The following NBEAL1 variants were observed in gnomAD, a reference collection of about 807,000 sequenced individuals.
NBEAL1 encodes the protein neurobeachin-like protein 1.
Under a neutral mutation model 351.3 loss-of-function variants are expected in NBEAL1, and 273 were observed. The ratio of observed to expected loss-of-function variants is 0.78; its 90% CI spans 0.70 to 0.86. The LOEUF (loss-of-function observed/expected upper bound fraction) is 0.86. Ranked by LOEUF, NBEAL1 falls within the 40% of genes least tolerant of loss-of-function variation. The pLI, the probability that NBEAL1 is intolerant of heterozygous loss-of-function variation, is 0.00. For missense variants in NBEAL1, 2,961 were observed against 3,201.3 expected (o/e 0.92, Z 1.81); for synonymous variants, 1,050 against 1,086.4 (o/e 0.97, Z 0.66).
intron 11 of NBEAL1, among the ~76,000 whole-genome samples, chr2:203,098,221 G>GA (rs1054675890): frequency 6.6e-6 from 1 of 150,950 alleles, no homozygotes; most frequent in African/African-American, 2.4e-5. Context: ...AATTTAGTTT[G>GA]AAAAAAAACT....
chr2:203,018,515 A>C (rs943365376), intron 2 of NBEAL1, among the ~76,000 whole-genome samples: 1 of 152,102 alleles, frequency 6.6e-6, no homozygotes, highest in Non-Finnish European at 1.5e-5. Flanking sequence ...TACAGGGAGA[A>C]TGCTTATCTA....
intron 36 of NBEAL1, among the ~76,000 whole-genome samples, chr2:203,161,109 C>T (rs757910805): frequency 3.3e-5 from 5 of 151,978 alleles, no homozygotes; most frequent in Admixed American, 1.3e-4. Flanking sequence ...GGGTGGATCA[C>T]GAGGTCAAGA....
chr2:203,059,686 T>C (rs1243689941), intron 6 of NBEAL1, among the ~76,000 whole-genome samples: 1 of 152,192 alleles, frequency 6.6e-6, no homozygotes, highest in Non-Finnish European at 1.5e-5. Flanking sequence ...CGTGACTACC[T>C]TTTATCTCTG....
At chr2:203,131,835 A>G (rs1201742594) in intron 25 of NBEAL1, 138 bp from the exon 26 acceptor site, 2 of 548,884 alleles carry the variant, frequency 3.6e-6, no homozygotes, top group Non-Finnish European at 6.1e-6. Context: ...AGTTAATAGC[A>G]ATACTTACTA....
intron 4 of NBEAL1, among the ~76,000 whole-genome samples, chr2:203,051,428 C>T (rs970965143): frequency 1.3e-5 from 2 of 151,836 alleles, no homozygotes; most frequent in Non-Finnish European, 2.9e-5. Context: ...CCTGAAATCC[C>T]AGCTACTCAG....
intron 2 of NBEAL1, among the ~76,000 whole-genome samples, chr2:203,017,017 G>A (rs1470871290): frequency 6.6e-6 from 1 of 152,176 alleles, no homozygotes; most frequent in Non-Finnish European, 1.5e-5. Flanking sequence ...GAGAAACACA[G>A]TACTACCTGA....
At chr2:203,066,285 G>A (rs567936049) in intron 6 of NBEAL1, among the ~76,000 whole-genome samples, 13 of 151,110 alleles carry the variant, frequency 8.6e-5, no homozygotes, top group South Asian at 4.2e-4. Context: ...AAATAATCTC[G>A]TGGAAAAACC....
rs772855213 is a variant in NBEAL1 at position 203,144,662 on chromosome 2, G to A, written c.4911G>A (p.Gln1637=). Residue 1637 remains glutamine (Q), a synonymous_variant, in exon 32 of 56, where the codon CAG becomes CAA. Coordinates refer to ENST00000683969, the MANE Select transcript of NBEAL1 (RefSeq NM_001378026.1). The part of the protein sequence containing the change: ...TLLQTKVIEN[Q]DEACYILGKL... ...TTCAGACCAAAGTGATTGAAAATCA[G>A]GATGAAGCATGTTACATTTTAGGGA... The A allele has an allele frequency of 6.2e-7, 1 of 1,613,978 alleles. No individual in the cohort carries two copies. Among genetic ancestry groups the A allele is most frequent in the African/African-American group, 1.3e-5 (1 of 74,916 alleles).
chr2:203,114,287 G>A (rs1389242518), intron 17 of NBEAL1, among the ~76,000 whole-genome samples: 1 of 152,152 alleles, frequency 6.6e-6, no homozygotes, highest in Non-Finnish European at 1.5e-5. Context: ...CCATAACACT[G>A]CCAGTACTTT....
chr2:203,148,944 C>A, intron 33 of NBEAL1, 47 bp from the exon 34 acceptor site: 1 of 1,477,076 alleles, frequency 6.8e-7, no homozygotes, highest in Admixed American at 2.2e-5. Context: ...GTAAATATAC[C>A]TGTAAATATA....
At chr2:203,171,873 G>A in intron 39 of NBEAL1, 55 bp from the exon 40 acceptor site, 2 of 923,046 alleles carry the variant, frequency 2.2e-6, no homozygotes, top group Non-Finnish European at 3.2e-6. Flanking sequence ...AGCTACCAAT[G>A]TCTAAGAGAT....
chr2:203,130,450 G>A lies in NBEAL1; in HGVS notation c.3538G>A (p.Asp1180Asn), dbSNP rs762409251. 34 of 1,459,468 alleles carry A rather than the reference G, an allele frequency of 2.3e-5. No homozygotes were observed. In the African/African-American group the frequency reaches 4.3e-4, roughly 19 times the overall value. The allele number at this position is 1,459,468 out of a possible 1,614,324, so 90.4% of individuals were successfully genotyped here. A position where few individuals can be genotyped will look rare whatever the true frequency, so the allele number is the denominator to read the frequency against. The change falls in exon 25 of 56, where the codon GAC (aspartate) becomes AAC (asparagine). Residue 1180 changes from aspartate (D) to asparagine (N), a missense_variant. Physicochemically the swap from Asp to Asn is conservative, Grantham distance 23 (BLOSUM62 1). Coordinates refer to ENST00000683969, the MANE Select transcript of NBEAL1 (RefSeq NM_001378026.1). Reference protein sequence around the residue: ...YALLLNQKYSDRLREIIFKIM... With the variant: ...YALLLNQKYSNRLREIIFKIM... The stretch of plus-strand genomic sequence containing the variant: ...ATTGCTCTTAAATCAGAAGTACTCT[G>A]ACAGACTAAGAGAAATCATTTTTAA...
In NBEAL1 at chr2:203,033,586, T is replaced by G. The variant is rs551116670; in HGVS notation, c.52-8179T>G. On this transcript the variant is annotated intron_variant, in intron 2 of 55. Coordinates refer to ENST00000683969, the MANE Select transcript of NBEAL1 (RefSeq NM_001378026.1). ...TGTTATTATGAGGAAATTGTCAGGT[T>G]TTTGCAGAAATTACTCATAATGAAA... 2.6e-5 allele frequency among the ~76,000 whole-genome samples: 4 copies of G among 152,278 alleles called. No homozygotes were observed. In the East Asian group the frequency reaches 7.7e-4, roughly 29 times the overall value.
At chr2:203,077,933 C>A in intron 8 of NBEAL1, 96 bp downstream of exon 8, 1 of 580,108 alleles carries the variant, frequency 1.7e-6, no homozygotes, top group Non-Finnish European at 2.7e-6. Context: ...TTTATAATTT[C>A]ATTCACCATA....
chr2:203,204,252 A>T (rs1559063439), intron 51 of NBEAL1, among the ~76,000 whole-genome samples: 2 of 150,818 alleles, frequency 1.3e-5, no homozygotes, highest in Non-Finnish European at 3.0e-5. Context: ...TTTAAAAAAA[A>T]AAAACAACTC....
At chr2:203,175,551 C>G (rs2064473814) in intron 42 of NBEAL1, among the ~76,000 whole-genome samples, 1 of 152,144 alleles carries the variant, frequency 6.6e-6, no homozygotes, top group South Asian at 2.1e-4. Flanking sequence ...ATAATTAGAT[C>G]TGATTTAGAG....
chr2:203,116,047 A>T lies in NBEAL1; in HGVS notation c.2569A>T (p.Ile857Phe). The T allele has an allele frequency of 6.4e-7, 1 of 1,553,544 alleles. No individual in the cohort carries two copies. The highest frequency in any genetic ancestry group is 8.7e-7 in the Non-Finnish European group (1 of 1,147,296). Residue 857 changes from isoleucine (I) to phenylalanine (F), a missense_variant, in exon 18 of 56, where the codon ATC (isoleucine) becomes TTC (phenylalanine). Physicochemically the swap from Ile to Phe is conservative, Grantham distance 21. Coordinates refer to ENST00000683969, the MANE Select transcript of NBEAL1 (RefSeq NM_001378026.1). ...TGACATGGCCGACCTGCCTGGTAACATCCTTCTTTACTACACAGCAAAGGT... is the reference window on the plus strand; with the variant it reads ...TGACATGGCCGACCTGCCTGGTAACTTCCTTCTTTACTACACAGCAAAGGT... The part of the protein sequence containing the change: ...ESDMADLPGN[I>F]LLYYTAKACK...
rs1438269196 is a variant in NBEAL1 at position 203,146,237 on chromosome 2, A to G, written c.5304+1077A>G. Among the ~76,000 whole-genome samples, 3 of 152,304 alleles carry G rather than the reference A, an allele frequency of 2.0e-5. No individual in the cohort carries two copies. In the South Asian group the frequency reaches 6.2e-4, roughly 32 times the overall value. ...AAAGTCCTATATTTATTAAAGAAAT[A>G]TAATTTATAGTTAAAAACCTTCGTA... On this transcript the variant is annotated intron_variant, in intron 33 of 55. Transcript: ENST00000683969.
intron 5 of NBEAL1, 126 bp downstream of exon 5, chr2:203,056,634 T>A (rs1471796679): frequency 1.6e-6 from 1 of 617,422 alleles, no homozygotes; most frequent in Admixed American, 2.6e-5. Flanking sequence ...TGGCCCGATC[T>A]TGGCTTACCA....
Sources: allele counts gnomAD v4.1 joint callset (sites outside exome capture counted in the v4.1 genomes callset), GRCh38; gene constraint gnomAD v4.1.1; transcripts MANE v1.5; gene names NCBI Gene and HGNC (gene_info 2026-07-23, HGNC 2026-07-21).